The following TSHZ3 variants were observed in gnomAD, a reference collection of about 807,000 sequenced individuals.
TSHZ3 encodes teashirt homolog 3.
Under a neutral mutation model 64.5 loss-of-function variants are expected in TSHZ3, and 10 were observed. That is an observed-to-expected ratio of 0.16 (90% confidence interval 0.10 to 0.26). The LOEUF is 0.26. Among genes scored for constraint, TSHZ3 ranks in the 10% least tolerant of loss-of-function variants. The pLI is 1.00. For missense variants in TSHZ3, 1,242 were observed against 1,421.7 expected (o/e 0.87, Z 2.03); for synonymous variants, 608 against 593.1 (o/e 1.03, Z -0.36).
At chr19:31,196,510 C>A (rs536003073) in intron 5 of TSHZ3, among the ~76,000 whole-genome samples, 1 of 151,836 alleles carries the variant, frequency 6.6e-6, no homozygotes, top group African/African-American at 2.4e-5. Flanking sequence ...TTAAAATATT[C>A]TCATTAAAAC....
At chr19:31,205,657 C>G (rs1235563242) in intron 4 of TSHZ3, among the ~76,000 whole-genome samples, 1 of 152,220 alleles carries the variant, frequency 6.6e-6, no homozygotes, top group East Asian at 1.9e-4. Flanking sequence ...TCCTTCACTG[C>G]CATTCCAAAG....
At chr19:31,154,226 AG>A (rs1299924417) in intron 6 of TSHZ3, among the ~76,000 whole-genome samples, 1 of 152,216 alleles carries the variant, frequency 6.6e-6, no homozygotes, top group Non-Finnish European at 1.5e-5. Flanking sequence ...CCACAGCCAC[AG>A]GAATGACAGA....
chr19:31,342,794 C>G (rs1917475744), intron 1 of TSHZ3, among the ~76,000 whole-genome samples: 2 of 152,274 alleles, frequency 1.3e-5, no homozygotes, highest in East Asian at 3.9e-4. Context: ...TTTTCCATTG[C>G]TATAAACTTG....
chr19:31,172,962 G>A, intron 5 of TSHZ3, among the ~76,000 whole-genome samples: 1 of 152,286 alleles, frequency 6.6e-6, no homozygotes, highest in African/African-American at 2.4e-5. Flanking sequence ...CCCAAGATAG[G>A]GACAGAAGGT....
intron 1 of TSHZ3, among the ~76,000 whole-genome samples, chr19:31,282,078 A>C (rs1976371148): frequency 6.6e-6 from 1 of 152,228 alleles, no homozygotes. Context: ...GCTGGAGCAG[A>C]GTAGGCTGGG....
At chr19:31,164,021 G>T (rs1322920180) in intron 5 of TSHZ3, among the ~76,000 whole-genome samples, 1 of 152,190 alleles carries the variant, frequency 6.6e-6, no homozygotes, top group Non-Finnish European at 1.5e-5. Context: ...TCCCCAAGTT[G>T]GTGCTTACAG....
At chr19:31,162,575 C>T (rs1211257677) in intron 5 of TSHZ3, among the ~76,000 whole-genome samples, 1 of 152,060 alleles carries the variant, frequency 6.6e-6, no homozygotes, top group East Asian at 1.9e-4. Context: ...CCTCACAGCA[C>T]ACGTCATTTT....
chr19:31,180,851 C>T (rs1243815168), intron 5 of TSHZ3, among the ~76,000 whole-genome samples: 3 of 152,150 alleles, frequency 2.0e-5, no homozygotes, highest in African/African-American at 2.4e-5. Context: ...CAGAGGCTCA[C>T]GCTGGGGCAG....
intron 1 of TSHZ3, among the ~76,000 whole-genome samples, chr19:31,298,761 A>C (rs1168732453): frequency 1.3e-5 from 2 of 151,984 alleles, no homozygotes; most frequent in African/African-American, 2.4e-5. Context: ...GGATGAGGAC[A>C]CAGAACGAGG....
chr19:31,193,269 C>T (rs1974939104), intron 5 of TSHZ3, among the ~76,000 whole-genome samples: 1 of 152,146 alleles, frequency 6.6e-6, no homozygotes. Context: ...ACTCAAGAAT[C>T]CTTTAAACTA....
chr19:31,245,942 T>C (rs1175290777), intron 1 of TSHZ3, among the ~76,000 whole-genome samples: 2 of 152,202 alleles, frequency 1.3e-5, no homozygotes, highest in Admixed American at 6.5e-5. Context: ...ACTCTAGGGA[T>C]GTATTTGCTG....
intron 4 of TSHZ3, among the ~76,000 whole-genome samples, chr19:31,208,996 G>A (rs1470943584): frequency 2.0e-5 from 3 of 152,148 alleles, no homozygotes; most frequent in South Asian, 2.1e-4. Flanking sequence ...TCAGGATCCC[G>A]ATGTCTGAGG....
chr19:31,167,616 G>A (rs1183520989), intron 5 of TSHZ3: 1 of 152,186 alleles, frequency 6.6e-6, no homozygotes, highest in Admixed American at 6.5e-5. Context: ...AAGGAAGAAG[G>A]AAGGGAAGAA....
upstream of TSHZ3, among the ~76,000 whole-genome samples, chr19:31,350,133 G>T (rs1416409986): frequency 1.4e-5 from 2 of 147,128 alleles, no homozygotes; most frequent in Admixed American, 6.7e-5. Context: ...CGACTCCGGA[G>T]CCCCCAGCGT....
chr19:31,345,911 C>T (rs1045791272), intron 1 of TSHZ3, among the ~76,000 whole-genome samples: 23 of 152,130 alleles, frequency 1.5e-4, no homozygotes, highest in Admixed American at 1.3e-3. Context: ...CCTAACCCCA[C>T]TCCTCTGAGC....
chr19:31,171,243 G>C (rs892857279), intron 5 of TSHZ3, among the ~76,000 whole-genome samples: 1 of 152,018 alleles, frequency 6.6e-6, no homozygotes, highest in South Asian at 2.1e-4. Context: ...GCTTGAAGGC[G>C]GTGTTACCAA....
At chr19:31,165,974 T>C (rs1216489396) in intron 5 of TSHZ3, among the ~76,000 whole-genome samples, 2 of 152,196 alleles carry the variant, frequency 1.3e-5, no homozygotes, top group Non-Finnish European at 2.9e-5. Context: ...AATGGATAAC[T>C]CACTAACATC....
chr19:31,311,785 A>C (rs1034964866), intron 1 of TSHZ3, among the ~76,000 whole-genome samples: 1 of 152,034 alleles, frequency 6.6e-6, no homozygotes, highest in East Asian at 1.9e-4. Flanking sequence ...GTGCAGTGGC[A>C]CTATCTCAGC....
intron 5 of TSHZ3, among the ~76,000 whole-genome samples, chr19:31,188,241 A>C (rs2145134842): frequency 6.6e-6 from 1 of 151,926 alleles, no homozygotes; most frequent in Admixed American, 6.5e-5. Flanking sequence ...ATCTCTAGTA[A>C]CTTTGCTAAA....
Sources: gnomAD v4.1 joint callset for allele counts (sites outside exome capture counted in the v4.1 genomes callset) on GRCh38, gnomAD v4.1.1 for gene constraint, MANE v1.5 for transcripts, NCBI Gene and HGNC (gene_info 2026-07-23, HGNC 2026-07-21) for gene names.